Variants in OXR1 observed in about 807,000 individuals in gnomAD.
OXR1 encodes oxidation resistance protein 1.
In OXR1, 41 loss-of-function variants were observed where a neutral mutation model predicts 104.6. That is an observed-to-expected ratio of 0.39 (90% CI 0.31 to 0.51). OXR1 has a LOEUF of 0.51. Among genes scored for constraint, OXR1 ranks in the 20% least tolerant of loss-of-function variants. OXR1 has a pLI of 0.77. For synonymous variants in OXR1, 348 were observed against 348.4 expected, an observed-to-expected ratio of 1.00 and a Z score of 0.01; for missense variants, 955 against 1,031.9, an observed-to-expected ratio of 0.93 and a Z score of 1.02.
At chr8:106,371,094 A>G (rs568034340) in intron 2 of OXR1, among the ~76,000 whole-genome samples, 1 of 151,270 alleles carries the variant, frequency 6.6e-6, no homozygotes, top group East Asian at 1.9e-4. Context: ...TTACTGGTCT[A>G]TTCAGGGATT....
At chr8:106,508,265 T>A (rs1812298101) in intron 2 of OXR1, among the ~76,000 whole-genome samples, 1 of 152,192 alleles carries the variant, frequency 6.6e-6, no homozygotes, top group South Asian at 2.1e-4. Flanking sequence ...AAGAAAAGTT[T>A]TAAAATAATG....
At chr8:106,480,340 A>AT (rs914857356) in intron 2 of OXR1, among the ~76,000 whole-genome samples, 3 of 151,828 alleles carry the variant, frequency 2.0e-5, no homozygotes, top group African/African-American at 7.3e-5. Context: ...CATTTTCTGC[A>AT]TTTTTTCTCA....
chr8:106,511,558 C>CACAT (rs1586740902), intron 2 of OXR1, among the ~76,000 whole-genome samples: 1 of 51,946 alleles, frequency 1.9e-5, no homozygotes, highest in East Asian at 3.8e-4. Context: ...CTCTCTCATA[C>CACAT]ACACACACAC....
chr8:106,340,173 G>C (rs1815181900), intron 1 of OXR1, among the ~76,000 whole-genome samples: 2 of 150,858 alleles, frequency 1.3e-5, no homozygotes, highest in South Asian at 4.2e-4. Context: ...ATAGTGATTA[G>C]CAGCAGTCAA....
chr8:106,275,633 A>G (rs1812005938), intron 1 of OXR1, among the ~76,000 whole-genome samples: 1 of 152,202 alleles, frequency 6.6e-6, no homozygotes, highest in Admixed American at 6.5e-5. Flanking sequence ...ATTTGGGGGA[A>G]AAGGAAATAT....
intron 2 of OXR1, 75 bp from the exon 3 acceptor site, chr8:106,518,867 GA>G (rs549700738): frequency 0.052 from 57,740 of 1,117,788 alleles, 1,759 homozygotes; most frequent in Non-Finnish European, 0.058. Flanking sequence ...CTCAATTGTT[GA>G]AAAAAAATTA....
Position 106,446,960 on chromosome 8 carries a change from GA to G in OXR1, c.24-71980del, listed in dbSNP as rs368109573. On this transcript the variant is annotated intron_variant, in intron 2 of 16. Transcript: ENST00000517566. ...ACCAAAACAGAAAAAACAAAGAAAG[GA>G]AACTGAATTTTTGTGATGACCTCTG... is the stretch of plus-strand genomic sequence containing the variant. Among the ~76,000 whole-genome samples the G allele has an allele frequency of 5.3e-3, 814 of 152,182 alleles. 7 individuals carry two copies. Among genetic ancestry groups the G allele is most frequent in the Non-Finnish European group, 8.4e-3 (570 of 68,000 alleles).
chr8:106,512,188 A>G (rs1448290862), intron 2 of OXR1, among the ~76,000 whole-genome samples: 1 of 152,172 alleles, frequency 6.6e-6, no homozygotes, highest in East Asian at 1.9e-4. Context: ...AAATTGCCCA[A>G]TTGCCCAAGG....
At chr8:106,392,972 CCATATTG>C (rs1284391484) in intron 2 of OXR1, among the ~76,000 whole-genome samples, 1 of 152,166 alleles carries the variant, frequency 6.6e-6, no homozygotes, top group East Asian at 1.9e-4. Flanking sequence ...CCTTTTAGAA[CCATATTG>C]CTCCCCACAC....
intron 1 of OXR1, among the ~76,000 whole-genome samples, chr8:106,297,420 A>T (rs1813043124): frequency 6.6e-6 from 1 of 152,188 alleles, no homozygotes; most frequent in South Asian, 2.1e-4. Context: ...TTATGTGAAC[A>T]TCATAGAGTG....
At position 106,697,813 on chromosome 8, in the gene OXR1, T is replaced by C. The variant is rs916275784; in HGVS notation, c.675+4936T>C. On this transcript the variant is annotated intron_variant, in intron 7 of 16. Transcript: ENST00000517566. ...GACCTGCCCCTTGGGGTACAGTGCA[T>C]TATTGAGCTCACATAACACCGTGCC... The C allele has an allele frequency of 1.9e-6, 3 of 1,612,356 alleles. No individual in the cohort carries two copies. The African/African-American group carries it at 4.0e-5, about 22-fold the overall frequency.
intron 3 of OXR1, among the ~76,000 whole-genome samples, chr8:106,613,155 A>G (rs1820943244): frequency 6.6e-6 from 1 of 152,050 alleles, no homozygotes; most frequent in African/African-American, 2.4e-5. Flanking sequence ...TTTCCCTTCA[A>G]GCAGAAGAAA....
intron 2 of OXR1, among the ~76,000 whole-genome samples, chr8:106,404,639 G>C (rs1818141889): frequency 6.6e-6 from 1 of 151,722 alleles, no homozygotes; most frequent in Admixed American, 6.6e-5. Context: ...GGAGTGAACA[G>C]CCAAACTTAC....
rs140323560 is a variant in OXR1, at chr8:106,519,115, G to T, written c.196G>T (p.Glu66Ter). 6.4e-7 allele frequency: 1 copy of T among 1,551,560 alleles called. No homozygotes were observed. The highest frequency in any genetic ancestry group is 8.7e-7 in the Non-Finnish European group (1 of 1,146,652). Residue 66 changes from glutamate (E) to a stop codon, truncating the protein, a stop_gained, in exon 3 of 17, where the codon GAA becomes TAA. Coordinates refer to ENST00000517566, the MANE Select transcript of OXR1 (RefSeq NM_001198533.2). LOFTEE classifies it high-confidence loss of function. ...NTQKHPSRRS[E>*]LKRFYTIDTG... is the part of the protein sequence containing the mutation. Reference sequence around the variant, plus strand: ...TCAGAAACATCCTTCCAGAAGGAGCGAACTGAAGAGGTTCTACACAATTGG... The same window carrying T: ...TCAGAAACATCCTTCCAGAAGGAGCTAACTGAAGAGGTTCTACACAATTGG...
At chr8:106,585,204 A>ATTG (rs1818539460) in intron 3 of OXR1, among the ~76,000 whole-genome samples, 1 of 152,094 alleles carries the variant, frequency 6.6e-6, no homozygotes, top group Admixed American at 6.6e-5. Context: ...AACTATGACC[A>ATTG]TAGGTTTGTG....
At chr8:106,737,106 ATGTT>A (rs1460688279) in intron 11 of OXR1, among the ~76,000 whole-genome samples, 1 of 152,094 alleles carries the variant, frequency 6.6e-6, no homozygotes, top group African/African-American at 2.4e-5. Context: ...TTAGGATATA[ATGTT>A]TGAGCTCACC....
intron 2 of OXR1, among the ~76,000 whole-genome samples, chr8:106,510,655 C>T (rs1030604038): frequency 1.3e-5 from 2 of 152,020 alleles, no homozygotes; most frequent in African/African-American, 2.4e-5. Flanking sequence ...CTGGCCTAGC[C>T]CTTCACAGAG....
At chr8:106,725,325 CAT>C (rs1490943797) in intron 11 of OXR1, among the ~76,000 whole-genome samples, 10 of 152,100 alleles carry the variant, frequency 6.6e-5, no homozygotes, top group Middle Eastern at 3.4e-3. Context: ...AAGGTGGCAT[CAT>C]GTGTGCATAC....
At chr8:106,305,168 T>C (rs568680270) in intron 1 of OXR1, among the ~76,000 whole-genome samples, 1 of 152,272 alleles carries the variant, frequency 6.6e-6, no homozygotes, top group East Asian at 1.9e-4. Flanking sequence ...CACTACTTTC[T>C]TTGCCCATGC....
Sources: gnomAD v4.1 joint callset for allele counts (sites outside exome capture counted in the v4.1 genomes callset) on GRCh38, gnomAD v4.1.1 for gene constraint, MANE v1.5 for transcripts, NCBI Gene and HGNC (gene_info 2026-07-23, HGNC 2026-07-21) for gene names.